Variants in MYO5C observed in about 807,000 individuals in gnomAD.
MYO5C encodes the protein myosin VC, also known as unconventional myosin-Vc.
In MYO5C, 194 loss-of-function variants were observed where a neutral mutation model predicts 235.7. That is an observed-to-expected ratio of 0.82 (90% CI 0.73 to 0.93). MYO5C has a LOEUF of 0.93. Ranked by LOEUF, MYO5C falls within the 40% of genes least tolerant of loss-of-function variation. MYO5C has a pLI of 0.00. For missense variants in MYO5C, 2,038 were observed against 2,127.2 expected, an observed-to-expected ratio of 0.96 and a Z score of 0.82; for synonymous variants, 707 against 754.8, an observed-to-expected ratio of 0.94 and a Z score of 1.04.
intron 2 of MYO5C, among the ~76,000 whole-genome samples, chr15:52,280,210 T>C (rs2037136282): frequency 6.6e-6 from 1 of 152,350 alleles, no homozygotes; most frequent in South Asian, 2.1e-4. Flanking sequence ...AAGGAGTCCA[T>C]GCAGGTGGTG....
chr15:52,282,756 T>C (rs2037186032), intron 2 of MYO5C, 26 bp downstream of exon 2: 7 of 1,488,340 alleles, frequency 4.7e-6, no homozygotes, highest in East Asian at 2.3e-5. Flanking sequence ...CACATCGACG[T>C]AGCTGTGAAC....
Position 52,218,511 on chromosome 15 carries a change from C to T in MYO5C, c.3954+8G>A, listed in dbSNP as rs747461031. ...CAGTCTTTATCACCAAGTTAGAAGA[C>T]TTCTCACCCTGTTTTCCAAAGTGAG... On this transcript the variant is annotated splice_region_variant and intron_variant, in intron 32 of 40. Coordinates refer to ENST00000261839, the MANE Select transcript of MYO5C (RefSeq NM_018728.4). The T allele has an allele frequency of 1.9e-6, 3 of 1,613,836 alleles. No individual in the cohort carries two copies. Among genetic ancestry groups the T allele is most frequent in the South Asian group, 1.1e-5 (1 of 91,020 alleles).
intron 1 of MYO5C, among the ~76,000 whole-genome samples, chr15:52,286,749 C>A (rs551839329): frequency 6.6e-6 from 1 of 151,820 alleles, no homozygotes; most frequent in Non-Finnish European, 1.5e-5. Context: ...GCAGCATGCT[C>A]GTTGAGAGTC....
chr15:52,195,911 G>A (rs1028030337), intron 39 of MYO5C, among the ~76,000 whole-genome samples: 7 of 140,044 alleles, frequency 5.0e-5, no homozygotes, highest in African/African-American at 1.1e-4. Flanking sequence ...CGATCCTCCC[G>A]CCTCAGCCTC....
At chr15:52,239,161 C>T (rs906432619) in intron 21 of MYO5C, among the ~76,000 whole-genome samples, 7 of 151,998 alleles carry the variant, frequency 4.6e-5, no homozygotes, top group African/African-American at 1.5e-4. Context: ...ATGTTGGTCA[C>T]GCTGGTCTCG....
Position 52,295,700 on chromosome 15 carries a change from C to G in MYO5C, c.-64G>C, listed in dbSNP as rs1046602901. On this transcript the variant is annotated 5_prime_UTR_variant, in exon 1 of 41. Coordinates refer to ENST00000261839, the MANE Select transcript of MYO5C (RefSeq NM_018728.4). Reference sequence around the variant, plus strand: ...GTGCGAGGCTCGGGGGCTGGGCCTGCGCCGCAGAGGCCGGGCGCAGGAGAG... The same window carrying G: ...GTGCGAGGCTCGGGGGCTGGGCCTGGGCCGCAGAGGCCGGGCGCAGGAGAG... 2.6e-5 allele frequency: 31 copies of G among 1,194,210 alleles called. No homozygotes were observed. Among genetic ancestry groups the G allele is most frequent in the Admixed American group, 4.0e-5 (1 of 24,844 alleles). 74.0% of individuals were successfully genotyped at this position (1,194,210 alleles called of 1,614,324 possible).
chr15:52,244,337 T>A lies in MYO5C; in HGVS notation c.2390+19A>T, dbSNP rs1271950585. On this transcript the variant is annotated intron_variant, in intron 19 of 40. Transcript: ENST00000261839. ...AGAAAGCCCCACAGTTCCACATGTG[T>A]TCCTTGATTCCAACATACCTCACAG... 6.2e-7 allele frequency: 1 copy of A among 1,607,906 alleles called. No homozygotes were observed.
intron 2 of MYO5C, among the ~76,000 whole-genome samples, chr15:52,280,996 C>T (rs2037151979): frequency 6.6e-6 from 1 of 152,180 alleles, no homozygotes; most frequent in Non-Finnish European, 1.5e-5. Context: ...TCCCCTGTTA[C>T]CAATGCAATT....
chr15:52,286,183 G>A (rs935433516), intron 1 of MYO5C, among the ~76,000 whole-genome samples: 34 of 151,470 alleles, frequency 2.2e-4, no homozygotes, highest in Non-Finnish European at 4.0e-4. Context: ...GAGGAGAAGA[G>A]TGTCTCCGCC....
intron 39 of MYO5C, among the ~76,000 whole-genome samples, chr15:52,195,955 C>T (rs1271330412): frequency 7.3e-6 from 1 of 136,346 alleles, no homozygotes; most frequent in Non-Finnish European, 1.5e-5. Flanking sequence ...TGTGCCATCA[C>T]ACCCAGCTTT....
In MYO5C at chr15:52,221,666, C is replaced by T. The variant is rs560794223; in HGVS notation, c.3628-411G>A. On this transcript the variant is annotated intron_variant, in intron 29 of 40. Coordinates refer to ENST00000261839, the MANE Select transcript of MYO5C (RefSeq NM_018728.4). Reference sequence around the variant, plus strand: ...CTTTTGAATTCAAGGACATGCACTGCTCTGTTAGTGGAGGTCTGGAATCAC... The same window carrying T: ...CTTTTGAATTCAAGGACATGCACTGTTCTGTTAGTGGAGGTCTGGAATCAC... Among the ~76,000 whole-genome samples, 3 of 152,336 alleles carry T rather than the reference C, an allele frequency of 2.0e-5. No individual in the cohort carries two copies. In the East Asian group the frequency reaches 5.8e-4, roughly 29 times the overall value.
chr15:52,233,313 A>T (rs1220760093), intron 23 of MYO5C, among the ~76,000 whole-genome samples: 440 of 11,662 alleles, frequency 0.038, 137 homozygotes, highest in South Asian at 0.092. Flanking sequence ...AAAAAAAAAA[A>T]ATAAATAAAT....
intron 29 of MYO5C, 88 bp from the exon 30 acceptor site, chr15:52,221,343 G>A (rs1185338391): frequency 3.2e-6 from 3 of 925,088 alleles, no homozygotes; most frequent in Non-Finnish European, 4.8e-6. Context: ...CTATCTTGGT[G>A]TTCAGCCTGC....
At chr15:52,233,668 C>G (rs2036017245) in intron 23 of MYO5C, among the ~76,000 whole-genome samples, 1 of 152,216 alleles carries the variant, frequency 6.6e-6, no homozygotes, top group Non-Finnish European at 1.5e-5. Context: ...CACTGAAATA[C>G]AAGAGTCGCA....
chr15:52,273,506 C>T (rs982040930), intron 5 of MYO5C, among the ~76,000 whole-genome samples: 3 of 152,108 alleles, frequency 2.0e-5, no homozygotes, highest in Non-Finnish European at 2.9e-5. Context: ...GTAATGATGT[C>T]ACGAGGGTGG....
At position 52,271,786 on chromosome 15, in the gene MYO5C, G is replaced by C; in HGVS notation, c.809C>G (p.Ser270Trp). The change falls in exon 7 of 41, where the codon TCG becomes TGG. Residue 270 changes from serine (S) to tryptophan (W), a missense_variant. Physicochemically the swap from Ser to Trp is radical, Grantham distance 177 (BLOSUM62 -3). Coordinates refer to ENST00000261839, the MANE Select transcript of MYO5C (RefSeq NM_018728.4). The stretch of plus-strand genomic sequence containing the variant: ...ACCCAATTTAAGATGTTTAAATTCC[G>C]ACTGCTGTGCAGATGCACAAAGCTG... Reference protein sequence around the residue: ...FYQLCASAQQSEFKHLKLGSA... With the variant: ...FYQLCASAQQWEFKHLKLGSA... The C allele has an allele frequency of 6.4e-7, 1 of 1,565,824 alleles. No homozygotes were observed. Among genetic ancestry groups the C allele is most frequent in the African/African-American group, 1.3e-5 (1 of 74,166 alleles).
rs562213492 is a variant in MYO5C, at chr15:52,233,935, C to T, written c.2963-1250G>A. 2.6e-5 allele frequency among the ~76,000 whole-genome samples: 4 copies of T among 152,062 alleles called. No homozygotes were observed. In the East Asian group the frequency reaches 7.7e-4, roughly 29 times the overall value. On this transcript the variant is annotated intron_variant, in intron 23 of 40. Transcript: ENST00000261839. ...CAAATTACTTTTTTTTTTTAGCCAA[C>T]AGTTTAATAGTTTGTCTAACATAGT...
rs756156099 is a variant in MYO5C, at chr15:52,195,462, A to C, written c.4996-5T>G. On this transcript the variant is annotated splice_polypyrimidine_tract_variant and splice_region_variant and intron_variant, in intron 39 of 40. Transcript: ENST00000261839. Reference sequence around the variant, plus strand: ...TGAATTAAGGATCTTTATGATCTGCAAACGGTACATAACATGGTGTTAGAC... The same window carrying C: ...TGAATTAAGGATCTTTATGATCTGCCAACGGTACATAACATGGTGTTAGAC... The C allele has an allele frequency of 3.3e-5, 52 of 1,597,966 alleles. 4 individuals carry two copies. In the South Asian group the frequency reaches 5.7e-4, roughly 17 times the overall value.
rs1177941497 is a variant in MYO5C at position 52,247,358 on chromosome 15, G to A, written c.1881+100C>T. On this transcript the variant is annotated intron_variant, in intron 15 of 40. Coordinates refer to ENST00000261839, the MANE Select transcript of MYO5C (RefSeq NM_018728.4). ...TTAGATTGGAAGAGCCCCAGCGTCT[G>A]TCCATGTCCAGGCCTGGAATGCGGG... is the stretch of plus-strand genomic sequence containing the variant. The A allele has an allele frequency of 2.2e-6, 3 of 1,345,174 alleles. No homozygotes were observed. The African/African-American group carries it at 4.4e-5, about 20-fold the overall frequency. 83.3% of individuals were successfully genotyped at this position (1,345,174 alleles called of 1,614,324 possible).
Sources: gnomAD v4.1 joint callset for allele counts (sites outside exome capture counted in the v4.1 genomes callset) on GRCh38, gnomAD v4.1.1 for gene constraint, MANE v1.5 for transcripts, NCBI Gene and HGNC (gene_info 2026-07-23, HGNC 2026-07-21) for gene names.